Variants in CAMK1D observed in about 807,000 individuals in gnomAD.
CAMK1D encodes the protein calcium/calmodulin dependent protein kinase ID, also known as calcium/calmodulin-dependent protein kinase type 1D.
CAMK1D carries 9 observed loss-of-function variants against 47.7 expected under a neutral mutation model. That is an observed-to-expected ratio of 0.19 (90% CI 0.11 to 0.33). The LOEUF is 0.33. Among genes scored for constraint, CAMK1D ranks in the 10% least tolerant of loss-of-function variants. The probability of loss-of-function intolerance (pLI) is 1.00; values close to 1 mark genes in which losing one functional copy is unlikely to be tolerated. For missense variants in CAMK1D, 291 were observed against 488.7 expected, an observed-to-expected ratio of 0.60 and a Z score of 3.81; for synonymous variants, 184 against 184.9, an observed-to-expected ratio of 0.99 and a Z score of 0.04.
chr10:12,472,781 C>G (rs1833786395), intron 1 of CAMK1D, among the ~76,000 whole-genome samples: 1 of 152,150 alleles, frequency 6.6e-6, no homozygotes, highest in African/African-American at 2.4e-5. Flanking sequence ...CTCGGCCTCC[C>G]AAAGTGCTGG....
At chr10:12,436,378 G>A (rs1487471912) in intron 1 of CAMK1D, among the ~76,000 whole-genome samples, 2 of 152,188 alleles carry the variant, frequency 1.3e-5, no homozygotes. Flanking sequence ...CCTCAGCCTC[G>A]CTGGATGAAG....
At chr10:12,684,752 G>A (rs1050372495) in intron 3 of CAMK1D, among the ~76,000 whole-genome samples, 1 of 151,150 alleles carries the variant, frequency 6.6e-6, no homozygotes, top group African/African-American at 2.4e-5. Context: ...AACACTAAGA[G>A]AATATATTCA....
chr10:12,604,888 T>C (rs553135532), intron 2 of CAMK1D, among the ~76,000 whole-genome samples: 1 of 145,530 alleles, frequency 6.9e-6, no homozygotes, highest in South Asian at 2.2e-4. Context: ...GCAATCCTTT[T>C]TTTTCTTTTT....
chr10:12,646,744 C>G (rs1839820814), intron 2 of CAMK1D, among the ~76,000 whole-genome samples: 2 of 152,144 alleles, frequency 1.3e-5, no homozygotes, highest in Admixed American at 1.3e-4. Context: ...AAAGAAATAG[C>G]AGAATCCAAC....
chr10:12,630,886 C>A (rs774494099), intron 2 of CAMK1D, among the ~76,000 whole-genome samples: 4 of 152,118 alleles, frequency 2.6e-5, no homozygotes, highest in Non-Finnish European at 5.9e-5. Context: ...AGAGGGTGCA[C>A]CCAGGGATCA....
chr10:12,379,963 C>A (rs1043678225), intron 1 of CAMK1D, among the ~76,000 whole-genome samples: 1 of 152,060 alleles, frequency 6.6e-6, no homozygotes, highest in Non-Finnish European at 1.5e-5. Flanking sequence ...GCCTGTAATA[C>A]CAGCACTTTG....
chr10:12,829,173 A>C lies in CAMK1D; in HGVS notation c.*286A>C. The C allele has an allele frequency of 7.0e-6, 2 of 285,766 alleles. No individual in the cohort carries two copies. Among genetic ancestry groups the C allele is most frequent in the Non-Finnish European group, 6.5e-6 (1 of 154,570 alleles). The allele number at this position is 285,766 out of a possible 1,614,324, so 17.7% of individuals were successfully genotyped here. A position where few individuals can be genotyped will look rare whatever the true frequency, so the allele number is the denominator to read the frequency against. Reference sequence around the variant, plus strand: ...CGGACCTTCTTATTCCTCTCCCCTAACACCATCGTTTCCACTCTTCTCAGT... The same window carrying C: ...CGGACCTTCTTATTCCTCTCCCCTACCACCATCGTTTCCACTCTTCTCAGT... On this transcript the variant is annotated 3_prime_UTR_variant, in exon 11 of 11. Coordinates refer to ENST00000619168, the MANE Select transcript of CAMK1D (RefSeq NM_153498.4).
At chr10:12,579,718 G>A (rs933676116) in intron 2 of CAMK1D, among the ~76,000 whole-genome samples, 1 of 152,156 alleles carries the variant, frequency 6.6e-6, no homozygotes, top group East Asian at 1.9e-4. Flanking sequence ...GAAGCCTTCC[G>A]GACCAGACCA....
chr10:12,644,051 A>G (rs57668098), intron 2 of CAMK1D, among the ~76,000 whole-genome samples: 37,965 of 152,048 alleles, frequency 0.25, 4,939 homozygotes, highest in South Asian at 0.37. Context: ...AATCATAGAA[A>G]TAAAGTGCAC....
intron 2 of CAMK1D, among the ~76,000 whole-genome samples, chr10:12,573,413 C>T (rs756529096): frequency 1.8e-4 from 27 of 146,696 alleles, no homozygotes; most frequent in Non-Finnish European, 2.6e-4. Flanking sequence ...TGCCGAGATG[C>T]ACTGCAGTCA....
chr10:12,550,083 A>G (rs1466842908), intron 1 of CAMK1D, among the ~76,000 whole-genome samples: 1 of 152,182 alleles, frequency 6.6e-6, no homozygotes, highest in Admixed American at 6.5e-5. Context: ...GGGGCAGCCC[A>G]GGAGGAGAGG....
At chr10:12,762,520 G>A (rs1164901264) in intron 4 of CAMK1D, among the ~76,000 whole-genome samples, 1 of 152,088 alleles carries the variant, frequency 6.6e-6, no homozygotes, top group Non-Finnish European at 1.5e-5. Flanking sequence ...TATCAGAATT[G>A]TCTGGAGGGC....
At chr10:12,601,197 T>G (rs60817155) in intron 2 of CAMK1D, among the ~76,000 whole-genome samples, 11 of 28,170 alleles carry the variant, frequency 3.9e-4, no homozygotes, top group Middle Eastern at 0.026. Flanking sequence ...TTGTTTGTTT[T>G]TTTTTTTTTT....
At chr10:12,514,165 G>T (rs1242412693) in intron 1 of CAMK1D, among the ~76,000 whole-genome samples, 1 of 152,210 alleles carries the variant, frequency 6.6e-6, no homozygotes, top group Non-Finnish European at 1.5e-5. Flanking sequence ...TTTCATTAAT[G>T]TGAATGCTCA....
chr10:12,517,430 ATCCT>A (rs575322256), intron 1 of CAMK1D, among the ~76,000 whole-genome samples: 410 of 152,366 alleles, frequency 2.7e-3, no homozygotes, highest in African/African-American at 9.5e-3. Flanking sequence ...GAGAGCAGAC[ATCCT>A]TCTTTGCCTT....
chr10:12,728,077 C>T (rs868689612), intron 3 of CAMK1D, among the ~76,000 whole-genome samples: 4 of 152,100 alleles, frequency 2.6e-5, no homozygotes, highest in African/African-American at 7.2e-5. Flanking sequence ...TGATTACAGC[C>T]GTTTATCCTG....
intron 1 of CAMK1D, among the ~76,000 whole-genome samples, chr10:12,350,690 C>T (rs934434208): frequency 2.0e-5 from 3 of 152,250 alleles, no homozygotes; most frequent in African/African-American, 4.8e-5. Flanking sequence ...CTGCTGTTCC[C>T]TTTCTGCCCA....
chr10:12,499,818 A>G (rs888954808), intron 1 of CAMK1D, among the ~76,000 whole-genome samples: 9 of 152,112 alleles, frequency 5.9e-5, no homozygotes, highest in African/African-American at 2.2e-4. Flanking sequence ...GAGTTCTGGA[A>G]CCTCACCATA....
chr10:12,505,658 T>C (rs560477284), intron 1 of CAMK1D, among the ~76,000 whole-genome samples: 1 of 152,318 alleles, frequency 6.6e-6, no homozygotes, highest in African/African-American at 2.4e-5. Flanking sequence ...TACATAATAT[T>C]GAAAGCAAAT....
Sources: allele counts gnomAD v4.1 joint callset (sites outside exome capture counted in the v4.1 genomes callset), GRCh38; gene constraint gnomAD v4.1.1; transcripts MANE v1.5; gene names NCBI Gene and HGNC (gene_info 2026-07-23, HGNC 2026-07-21).